RBFOX3: variants seen among roughly 807,000 people sequenced by gnomAD.
RBFOX3 encodes the protein RNA binding fox-1 homolog 3.
A neutral mutation model predicts 48.7 loss-of-function variants in RBFOX3; 17 were observed. The ratio of observed to expected loss-of-function variants is 0.35; its 90% CI spans 0.24 to 0.52. The LOEUF (loss-of-function observed/expected upper bound fraction) is 0.52. Among genes scored for constraint, RBFOX3 ranks in the 20% least tolerant of loss-of-function variants. The probability of loss-of-function intolerance (pLI) is 0.94; values close to 1 mark genes in which losing one functional copy is unlikely to be tolerated. For missense variants in RBFOX3, 382 were observed against 497.5 expected, an observed-to-expected ratio of 0.77 and a Z score of 2.21; for synonymous variants, 212 against 209.5, an observed-to-expected ratio of 1.01 and a Z score of -0.10.
intron 4 of RBFOX3, among the ~76,000 whole-genome samples, chr17:79,193,282 A>G (rs1012806665): frequency 2.0e-5 from 3 of 152,216 alleles, no homozygotes; most frequent in African/African-American, 7.2e-5. Context: ...CAGTGGGGGC[A>G]GGGAATGTGC....
At chr17:79,308,324 T>C (rs1281115460) in intron 2 of RBFOX3, among the ~76,000 whole-genome samples, 2 of 152,192 alleles carry the variant, frequency 1.3e-5, no homozygotes, top group Non-Finnish European at 2.9e-5. Flanking sequence ...TCGTGGTTTG[T>C]ACTTGCAGCC....
At position 79,297,154 on chromosome 17, in the gene RBFOX3, C is replaced by T. The variant is rs1029115565; in HGVS notation, c.-74+10570G>A. ...GAGCTTGGCAGAGCCTCCTCTTCTC[C>T]GAGCAGCCATGAGTTGGGGACTGGG... On this transcript the variant is annotated intron_variant, in intron 3 of 14. Coordinates refer to ENST00000693108, the MANE Select transcript of RBFOX3 (RefSeq NM_001350451.2). 5.9e-5 allele frequency among the ~76,000 whole-genome samples: 9 copies of T among 152,166 alleles called. No individual in the cohort carries two copies. In the South Asian group the frequency reaches 1.0e-3, roughly 18 times the overall value.
Position 79,204,075 on chromosome 17 carries a change from C to A in RBFOX3, c.-34+31691G>T, listed in dbSNP as rs2057170037. Among the ~76,000 whole-genome samples the A allele has an allele frequency of 6.6e-6, 1 of 152,192 alleles. No individual in the cohort carries two copies. The highest frequency in any genetic ancestry group is 6.5e-5 in the Admixed American group (1 of 15,290). On this transcript the variant is annotated intron_variant, in intron 4 of 14. Transcript: ENST00000693108. This position sits in a 1 kb window ranked among gnomAD's most constrained non-coding sequence, Gnocchi z 4.5. ...AGACTTTTCTCACCTGGAGAACCAG[C>A]AAAGACCTCAACTGAGAAATTTTCT...
At chr17:79,345,976 AG>A (rs2082856290) in intron 2 of RBFOX3, among the ~76,000 whole-genome samples, 3 of 152,148 alleles carry the variant, frequency 2.0e-5, no homozygotes, top group Admixed American at 1.3e-4. Flanking sequence ...GCTGGAATGC[AG>A]TGGTGTGATC....
intron 2 of RBFOX3, among the ~76,000 whole-genome samples, chr17:79,427,627 G>C (rs2067629201): frequency 6.6e-6 from 1 of 152,224 alleles, no homozygotes; most frequent in Non-Finnish European, 1.5e-5. Context: ...CTTAACCGTG[G>C]AGACCCTTGT....
chr17:79,136,049 A>C (rs2040108220), intron 4 of RBFOX3: 1 of 152,102 alleles, frequency 6.6e-6, no homozygotes, highest in Admixed American at 6.6e-5. Context: ...CCTCCTGTAC[A>C]TCTGGACGGG....
chr17:79,158,674 C>A (rs1307482958), intron 4 of RBFOX3, among the ~76,000 whole-genome samples: 2 of 152,084 alleles, frequency 1.3e-5, no homozygotes, highest in Middle Eastern at 3.2e-3. Context: ...GGGCTCAGAG[C>A]TCACTGTTTT....
In RBFOX3 at chr17:79,094,491, T is replaced by C; in HGVS notation, c.1037A>G (p.His346Arg). 1 of 1,459,522 alleles carries C rather than the reference T, an allele frequency of 6.9e-7. No individual in the cohort carries two copies. The highest frequency in any genetic ancestry group is 1.3e-5 in the South Asian group (1 of 74,630). The allele number at this position is 1,459,522 out of a possible 1,614,324, so 90.4% of individuals were successfully genotyped here. The change falls in exon 14 of 15, where the codon CAC (histidine) becomes CGC (arginine). Residue 346 changes from histidine (H) to arginine (R), a missense_variant. By Grantham distance (29) the His-to-Arg change is conservative. This residue lies in a region of RBFOX3 where 215 missense variants were observed against 254.8 expected (regional missense o/e 0.84). Coordinates refer to ENST00000693108, the MANE Select transcript of RBFOX3 (RefSeq NM_001350451.2). ...GTAGGTCGCCGCGGGCCCGATGGTG[T>C]GATGGTACGGGTCGGCAGCTGCGTA... The part of the protein sequence containing the change: ...RVYAAADPYH[H>R]TIGPAATYSI...
At chr17:79,512,795 C>T (rs1292179466) in intron 1 of RBFOX3, among the ~76,000 whole-genome samples, 2 of 146,526 alleles carry the variant, frequency 1.4e-5, no homozygotes, top group East Asian at 2.0e-4. Context: ...CCATCGGGTA[C>T]GGCCCCATGG....
intron 4 of RBFOX3, among the ~76,000 whole-genome samples, chr17:79,191,243 C>T (rs555188047): frequency 4.6e-5 from 7 of 152,334 alleles, no homozygotes; most frequent in East Asian, 1.9e-4. Flanking sequence ...ATGGAGAGCA[C>T]GTGCAGCACT....
chr17:79,382,230 G>C (rs79950150), intron 2 of RBFOX3, among the ~76,000 whole-genome samples: 1 of 152,268 alleles, frequency 6.6e-6, no homozygotes, highest in East Asian at 1.9e-4. Context: ...CAAGCTTTGG[G>C]CACCAGGCAC....
intron 3 of RBFOX3, among the ~76,000 whole-genome samples, chr17:79,296,661 C>T (rs34220151): frequency 0.21 from 31,536 of 151,586 alleles, 3,366 homozygotes; most frequent in Middle Eastern, 0.32. Flanking sequence ...TCCCATCTCC[C>T]TCCTCTTCCT....
chr17:79,451,144 G>A (rs1158086256), intron 2 of RBFOX3, among the ~76,000 whole-genome samples: 9 of 152,016 alleles, frequency 5.9e-5, no homozygotes, highest in African/African-American at 2.2e-4. Context: ...ATTTGCTATC[G>A]AAAGGCACAA....
chr17:79,184,040 G>A (rs1258767172), intron 4 of RBFOX3, among the ~76,000 whole-genome samples: 3 of 152,232 alleles, frequency 2.0e-5, no homozygotes, highest in African/African-American at 4.8e-5. Context: ...ACCGGAAGGC[G>A]CCTCGTCCTG....
intron 1 of RBFOX3, among the ~76,000 whole-genome samples, chr17:79,538,157 G>A (rs1370961801): frequency 1.3e-5 from 2 of 152,184 alleles, no homozygotes; most frequent in Non-Finnish European, 1.5e-5. Flanking sequence ...ACTTAAAACC[G>A]ACAGAAGAGG....
At chr17:79,647,480 A>C in the RBFOX3 span, among the ~76,000 whole-genome samples, 1 of 152,144 alleles carries the variant, frequency 6.6e-6, no homozygotes, top group African/African-American at 2.4e-5. Context: ...AGGATGCCTT[A>C]ATACCTCTGC....
intron 2 of RBFOX3, among the ~76,000 whole-genome samples, chr17:79,367,185 C>T (rs2057892020): frequency 6.6e-6 from 1 of 151,932 alleles, no homozygotes; most frequent in Non-Finnish European, 1.5e-5. Context: ...CCCTCCTTTC[C>T]TTCTTCTCTT....
rs114043011 is a variant in RBFOX3, at chr17:79,215,948, G to A, written c.-34+19818C>T. 9.8e-3 allele frequency among the ~76,000 whole-genome samples: 1,490 copies of A among 152,396 alleles called. 20 individuals are homozygous for A. Among genetic ancestry groups the A allele is most frequent in the African/African-American group, 0.034 (1,411 of 41,598 alleles). ...CCTGAGGGTTCCTGAGTAGAGGTCA[G>A]AGCCAGAGTCAGGTTTAACCCGATA... On this transcript the variant is annotated intron_variant, in intron 4 of 14. Transcript: ENST00000693108.
intron 2 of RBFOX3, among the ~76,000 whole-genome samples, chr17:79,396,309 T>C (rs1050776699): frequency 6.6e-6 from 1 of 152,198 alleles, no homozygotes; most frequent in African/African-American, 2.4e-5. Flanking sequence ...TGAAGCTCCC[T>C]GTGTCTGTGC....
Sources: allele counts gnomAD v4.1 joint callset (sites outside exome capture counted in the v4.1 genomes callset), GRCh38; gene constraint gnomAD v4.1.1; regional missense constraint gnomAD v4.1.1; non-coding constraint Gnocchi (gnomAD v3.1); transcripts MANE v1.5; gene names NCBI Gene and HGNC (gene_info 2026-07-23, HGNC 2026-07-21).